STARD3NL: variants seen among roughly 807,000 people sequenced by gnomAD.
The protein encoded by STARD3NL is STARD3 N-terminal-like protein.
STARD3NL carries 17 observed loss-of-function variants against 30.9 expected under a neutral mutation model. The ratio of observed to expected loss-of-function variants is 0.55; its 90% confidence interval spans 0.38 to 0.82. The LOEUF is 0.82. STARD3NL is among the 40% of genes least tolerant of loss of function. The pLI, the probability that STARD3NL is intolerant of heterozygous loss-of-function variation, is 0.00. For missense variants in STARD3NL, 234 were observed against 277.6 expected (o/e 0.84, Z 1.12); for synonymous variants, 112 against 100.5 (o/e 1.11, Z -0.69).
intron 1 of STARD3NL, among the ~76,000 whole-genome samples, 173 bp downstream of exon 1, chr7:38,178,593 C>T (rs889782577): frequency 6.6e-6 from 1 of 152,212 alleles, no homozygotes; most frequent in Non-Finnish European, 1.5e-5. Flanking sequence ...GCGAGGCAGG[C>T]TGTGCTCATA....
intron 8 of STARD3NL, 58 bp downstream of exon 8, chr7:38,228,929 G>T: frequency 1.6e-6 from 2 of 1,253,392 alleles, no homozygotes; most frequent in South Asian, 1.3e-5. Context: ...GATTTCCTTT[G>T]AGTAGAGTCA....
intron 1 of STARD3NL, among the ~76,000 whole-genome samples, chr7:38,186,395 C>G (rs1177676697): frequency 6.6e-6 from 1 of 152,152 alleles, no homozygotes; most frequent in South Asian, 2.1e-4. Context: ...ACTGAAAAAT[C>G]AGCAGTATTT....
At chr7:38,228,402 C>T (rs1247899860) in intron 7 of STARD3NL, among the ~76,000 whole-genome samples, 3 of 152,166 alleles carry the variant, frequency 2.0e-5, no homozygotes, top group African/African-American at 4.8e-5. Flanking sequence ...CTCTCTCGCT[C>T]GTCTGCCACA....
intron 2 of STARD3NL, among the ~76,000 whole-genome samples, chr7:38,210,757 T>C (rs140284985): frequency 2.9e-4 from 44 of 152,286 alleles, no homozygotes; most frequent in African/African-American, 8.9e-4. Context: ...GAATTTGGTT[T>C]TCTTTTTAGC....
intron 1 of STARD3NL, among the ~76,000 whole-genome samples, chr7:38,199,176 C>T (rs899914850): frequency 1.3e-5 from 2 of 152,200 alleles, no homozygotes; most frequent in East Asian, 1.9e-4. Flanking sequence ...TTCTGAATTG[C>T]AGATTTAGCT....
chr7:38,218,690 T>G (rs1173193985), intron 6 of STARD3NL, among the ~76,000 whole-genome samples: 1 of 152,224 alleles, frequency 6.6e-6, no homozygotes, highest in African/African-American at 2.4e-5. Context: ...GGCCTGGTGC[T>G]TCCTCCGACT....
chr7:38,187,644 C>A (rs965077706), intron 1 of STARD3NL, among the ~76,000 whole-genome samples: 1 of 149,200 alleles, frequency 6.7e-6, no homozygotes, highest in Non-Finnish European at 1.5e-5. Flanking sequence ...GTTTTTTTTT[C>A]ATTTTTATGG....
chr7:38,228,657 T>C, intron 7 of STARD3NL, 142 bp from the exon 8 acceptor site: 1 of 592,764 alleles, frequency 1.7e-6, no homozygotes, highest in African/African-American at 1.9e-5. Flanking sequence ...CAAATAGCAG[T>C]TAACCTAAAT....
chr7:38,194,845 T>C (rs1784836073), intron 1 of STARD3NL, among the ~76,000 whole-genome samples: 2 of 152,354 alleles, frequency 1.3e-5, no homozygotes, highest in South Asian at 4.1e-4. Flanking sequence ...AAAATAATTA[T>C]CTGTCTTAAA....
intron 1 of STARD3NL, chr7:38,178,940 G>A (rs1784135619): frequency 1.3e-5 from 2 of 151,984 alleles, no homozygotes; most frequent in Admixed American, 6.5e-5. Flanking sequence ...TCACCTACTC[G>A]TAGATATCTC....
chr7:38,179,414 T>A (rs1784157086), intron 1 of STARD3NL, among the ~76,000 whole-genome samples: 1 of 152,228 alleles, frequency 6.6e-6, no homozygotes. Context: ...AATCTAACTG[T>A]CTCAAACATT....
intron 1 of STARD3NL, among the ~76,000 whole-genome samples, chr7:38,194,071 C>CT (rs570615562): frequency 3.9e-4 from 59 of 152,022 alleles, no homozygotes; most frequent in Admixed American, 1.2e-3. Flanking sequence ...TTTCACTATT[C>CT]TTTTTTTGGA....
chr7:38,228,924 C>A, intron 8 of STARD3NL, 53 bp downstream of exon 8: 3 of 1,301,960 alleles, frequency 2.3e-6, no homozygotes, highest in South Asian at 1.3e-5. Flanking sequence ...ATGGAGATTT[C>A]CTTTGAGTAG....
intron 1 of STARD3NL, among the ~76,000 whole-genome samples, chr7:38,198,912 C>T (rs945601374): frequency 6.6e-6 from 1 of 152,196 alleles, no homozygotes; most frequent in Non-Finnish European, 1.5e-5. Context: ...AGGCAACGTA[C>T]AGACCTGTGA....
At chr7:38,203,502 C>T (rs1452270448) in intron 1 of STARD3NL, among the ~76,000 whole-genome samples, 6 of 152,128 alleles carry the variant, frequency 3.9e-5, no homozygotes, top group Non-Finnish European at 7.4e-5. Flanking sequence ...AAGGAACAAC[C>T]GATACCAGCC....
At chr7:38,178,951 G>A (rs994250985) in intron 1 of STARD3NL, 2 of 151,812 alleles carry the variant, frequency 1.3e-5, no homozygotes, top group African/African-American at 2.4e-5. Flanking sequence ...TAGATATCTC[G>A]CCATTGTTTG....
chr7:38,220,545 T>G (rs1261335626), intron 7 of STARD3NL, among the ~76,000 whole-genome samples: 2 of 152,160 alleles, frequency 1.3e-5, no homozygotes, highest in Non-Finnish European at 2.9e-5. Flanking sequence ...CGGGTGAGAA[T>G]GTAAAATGGT....
At chr7:38,212,527 ATAT>A (rs1314866432) in intron 2 of STARD3NL, among the ~76,000 whole-genome samples, 1 of 152,186 alleles carries the variant, frequency 6.6e-6, no homozygotes, top group African/African-American at 2.4e-5. Context: ...CCATGAAGAC[ATAT>A]TATTTTGTTT....
At chr7:38,206,940 C>G (rs908002428) in intron 1 of STARD3NL, among the ~76,000 whole-genome samples, 2 of 152,056 alleles carry the variant, frequency 1.3e-5, no homozygotes, top group Non-Finnish European at 2.9e-5. Context: ...GCTGATTTTT[C>G]TTTTTTCTTT....
Sources: allele counts gnomAD v4.1 joint callset (sites outside exome capture counted in the v4.1 genomes callset), GRCh38; gene constraint gnomAD v4.1.1; transcripts MANE v1.5; gene names NCBI Gene and HGNC (gene_info 2026-07-23, HGNC 2026-07-21).